Variants in CCDC102A observed in about 807,000 individuals in gnomAD.
CCDC102A encodes the protein coiled-coil domain-containing protein 102A.
A neutral mutation model predicts 55.5 loss-of-function variants in CCDC102A; 40 were observed. The ratio of observed to expected loss-of-function variants is 0.72; its 90% CI spans 0.56 to 0.94. The LOEUF is 0.94. Ranked by LOEUF, CCDC102A falls within the 40% of genes least tolerant of loss-of-function variation. CCDC102A has a pLI of 0.00. For synonymous variants in CCDC102A, 323 were observed against 339.0 expected (o/e 0.95, Z 0.52); for missense variants, 779 against 768.6 (o/e 1.01, Z -0.16).
chr16:57,523,476 A>ATT (rs766409543), intron 3 of CCDC102A, among the ~76,000 whole-genome samples: 76 of 144,328 alleles, frequency 5.3e-4, no homozygotes, highest in South Asian at 2.2e-3. Flanking sequence ...CATTATAGTG[A>ATT]TTTTTTTTTT....
At chr16:57,521,540 T>A (rs1314238582) in intron 3 of CCDC102A, among the ~76,000 whole-genome samples, 1 of 152,206 alleles carries the variant, frequency 6.6e-6, no homozygotes, top group East Asian at 1.9e-4. Context: ...CCCACCTTGT[T>A]CTTCTCGAAG....
At chr16:57,517,088 G>C (rs1331195984) in intron 6 of CCDC102A, among the ~76,000 whole-genome samples, 1 of 151,956 alleles carries the variant, frequency 6.6e-6, no homozygotes, top group African/African-American at 2.4e-5. Context: ...CCCCCAGCCT[G>C]TCTTCCCATC....
rs929510646 is a variant in CCDC102A, at chr16:57,518,478, C to T, written c.1038+147G>A. 5 of 798,150 alleles carry T rather than the reference C, an allele frequency of 6.3e-6. No homozygotes were observed. In the African/African-American group the frequency reaches 6.9e-5, roughly 11 times the overall value. The allele number at this position is 798,150 out of a possible 1,614,324, so 49.4% of individuals were successfully genotyped here. ...GCCTCTGTGTGGGAGAGAGGCCTGC[C>T]TCTTGCAGATCAGGACACCATTGGA... On this transcript the variant is annotated intron_variant, in intron 5 of 8. Coordinates refer to ENST00000258214, the MANE Select transcript of CCDC102A (RefSeq NM_033212.4).
Position 57,518,234 on chromosome 16 carries a change from C to A in CCDC102A, c.1082G>T (p.Arg361Leu). ...CAGTTTCTCTGTCTCCAGCCGCTCC[C>A]GGCGGCCCCACTCCGCAGCGTTTTC... is the stretch of plus-strand genomic sequence containing the variant. ...QAENAAEWGR[R>L]ERLETEKLGL... The change falls in exon 6 of 9, where the codon CGG becomes CTG. Residue 361 changes from arginine (R) to leucine (L), a missense_variant. Coordinates refer to ENST00000258214, the MANE Select transcript of CCDC102A (RefSeq NM_033212.4). 1.9e-6 allele frequency: 3 copies of A among 1,611,852 alleles called. No homozygotes were observed. The highest frequency in any genetic ancestry group is 1.3e-5 in the African/African-American group (1 of 75,076).
rs190966556 is a variant in CCDC102A at position 57,520,797 on chromosome 16, G to C, written c.921+271C>G. Among the ~76,000 whole-genome samples, 356 of 151,712 alleles carry C rather than the reference G, an allele frequency of 2.3e-3. 2 individuals are homozygous for C. The highest frequency in any genetic ancestry group is 8.2e-3 in the African/African-American group (339 of 41,408). ...TCTACTAAAAATACAAAAATTAGCC[G>C]GGCGTGGTGGCGGGTGCCTGTAATC... On this transcript the variant is annotated intron_variant, in intron 4 of 8. Coordinates refer to ENST00000258214, the MANE Select transcript of CCDC102A (RefSeq NM_033212.4).
Position 57,516,561 on chromosome 16 carries a change from G to T in CCDC102A, c.1249-98C>A. ...CACGAGGTCAGGCAGTTCTAGGGAT[G>T]CTGGGTGTCTCTCCTTCCCAGAATC... is the stretch of plus-strand genomic sequence containing the variant. On this transcript the variant is annotated intron_variant, in intron 6 of 8. Coordinates refer to ENST00000258214, the MANE Select transcript of CCDC102A (RefSeq NM_033212.4). The surrounding 1 kb of genome is among the most constrained non-coding windows in gnomAD (Gnocchi z 4.4). 1.1e-6 allele frequency: 1 copy of T among 933,630 alleles called. No homozygotes were observed. The highest frequency in any genetic ancestry group is 1.7e-6 in the Non-Finnish European group (1 of 603,022). 57.8% of individuals were successfully genotyped at this position (933,630 alleles called of 1,614,324 possible). A position where few individuals can be genotyped will look rare whatever the true frequency, so the allele number is the denominator to read the frequency against.
rs890966190 is a variant in CCDC102A, at chr16:57,516,491, G to A, written c.1249-28C>T. ...ACAGGGCACAGGGATGGGGTGGGAG[G>A]GAGGAGGGAATCAGTATCAGCTTGG... On this transcript the variant is annotated intron_variant, in intron 6 of 8. Coordinates refer to ENST00000258214, the MANE Select transcript of CCDC102A (RefSeq NM_033212.4). The surrounding 1 kb of genome is among the most constrained non-coding windows in gnomAD (Gnocchi z 4.4). 2.5e-6 allele frequency: 4 copies of A among 1,592,526 alleles called. No individual in the cohort carries two copies. The highest frequency in any genetic ancestry group is 1.3e-5 in the African/African-American group (1 of 74,868).
intron 8 of CCDC102A, among the ~76,000 whole-genome samples, chr16:57,514,683 C>T (rs546765112): frequency 3.3e-5 from 5 of 152,328 alleles, no homozygotes; most frequent in South Asian, 2.1e-4. Flanking sequence ...GCTGCAGAAC[C>T]GGGCACCCTC....
Position 57,528,835 on chromosome 16 carries a change from G to C in CCDC102A, c.343C>G (p.Arg115Gly), listed in dbSNP as rs752967457. ...CGCACCTCCTCGCGCGCGCGGTTGC[G>C]CTCAGCGCGCACCTTGCTCCATTTC... is the stretch of plus-strand genomic sequence containing the variant. ...REKWSKVRAE[R>G]NRAREEVRQL... is the part of the protein sequence containing the mutation. Residue 115 changes from arginine (R) to glycine (G), a missense_variant, in exon 2 of 9, where the codon CGC (arginine) becomes GGC (glycine). Physicochemically the swap from Arg to Gly is moderately radical, Grantham distance 125 (BLOSUM62 -2). Coordinates refer to ENST00000258214, the MANE Select transcript of CCDC102A (RefSeq NM_033212.4). 5 of 1,295,388 alleles carry C rather than the reference G, an allele frequency of 3.9e-6. No individual in the cohort carries two copies. Among genetic ancestry groups the C allele is most frequent in the Non-Finnish European group, 4.9e-6 (5 of 1,010,474 alleles). The allele number at this position is 1,295,388 out of a possible 1,614,324, so 80.2% of individuals were successfully genotyped here. A position where few individuals can be genotyped will look rare whatever the true frequency, so the allele number is the denominator to read the frequency against.
chr16:57,518,010 C>G (rs1189109827), intron 6 of CCDC102A, 58 bp downstream of exon 6: 8 of 1,519,472 alleles, frequency 5.3e-6, no homozygotes, highest in Admixed American at 1.9e-5. Context: ...GGAAGCTGCG[C>G]TCTGGCTGGA....
At position 57,528,619 on chromosome 16, in the gene CCDC102A, C is replaced by T. The variant is rs778992550; in HGVS notation, c.559G>A (p.Gly187Arg). 8.6e-6 allele frequency: 11 copies of T among 1,280,808 alleles called. No homozygotes were observed. In the African/African-American group the frequency reaches 9.6e-5, roughly 11 times the overall value. 79.3% of individuals were successfully genotyped at this position (1,280,808 alleles called of 1,614,324 possible). ...TGGCTGCCTGGCGGCCTCTCGGACCCGACGTCACGCACTGGCTCGCGCTCC... is the reference window on the plus strand; with the variant it reads ...TGGCTGCCTGGCGGCCTCTCGGACCTGACGTCACGCACTGGCTCGCGCTCC... Reference protein sequence around the residue: ...EAEREPVRDVGSERPPGSQEL... With the variant: ...EAEREPVRDVRSERPPGSQEL... The change falls in exon 2 of 9, where the codon GGG (glycine) becomes AGG (arginine). Residue 187 changes from glycine (G) to arginine (R), a missense_variant. Gly to Arg is a moderately radical substitution (Grantham distance 125). Transcript: ENST00000258214.
At chr16:57,515,494 A>G (rs1268910248) in intron 7 of CCDC102A, 50 bp from the exon 8 acceptor site, 1 of 1,264,084 alleles carries the variant, frequency 7.9e-7, no homozygotes, top group Non-Finnish European at 1.1e-6. Flanking sequence ...AGGGCTGGGC[A>G]AGGCCGGCCA....
At chr16:57,530,008 G>A (rs2032225848) in intron 1 of CCDC102A, among the ~76,000 whole-genome samples, 2 of 152,190 alleles carry the variant, frequency 1.3e-5, no homozygotes, top group Admixed American at 6.5e-5. Context: ...TGGAGGTGAA[G>A]AAAATGATTA....
rs1267666193 is a variant in CCDC102A, at chr16:57,512,336, T to A, written c.*405A>T. On this transcript the variant is annotated 3_prime_UTR_variant, in exon 9 of 9. Coordinates refer to ENST00000258214, the MANE Select transcript of CCDC102A (RefSeq NM_033212.4). Reference sequence around the variant, plus strand: ...CTTCATTTATTACAAATAACTGGGTTCACTGCATTGTATGATGAACAGCGA... The same window carrying A: ...CTTCATTTATTACAAATAACTGGGTACACTGCATTGTATGATGAACAGCGA... 1 of 398,770 alleles carries A rather than the reference T, an allele frequency of 2.5e-6. No individual in the cohort carries two copies. Among genetic ancestry groups the A allele is most frequent in the African/African-American group, 2.1e-5 (1 of 48,620 alleles). 24.7% of individuals were successfully genotyped at this position (398,770 alleles called of 1,614,324 possible). A position where few individuals can be genotyped will look rare whatever the true frequency, so the allele number is the denominator to read the frequency against.
intron 8 of CCDC102A, among the ~76,000 whole-genome samples, chr16:57,514,844 C>T (rs1185997778): frequency 1.3e-5 from 2 of 152,186 alleles, no homozygotes; most frequent in Non-Finnish European, 2.9e-5. Flanking sequence ...CTGTGATTCA[C>T]AGAGTGCTGG....
chr16:57,526,012 CGCTCCTGGCGGCCTGAGCTGCCCCGCGG>C lies in CCDC102A; in HGVS notation c.673_700del (p.Pro225AlafsTer19). 1.2e-6 allele frequency: 2 copies of C among 1,604,976 alleles called. No homozygotes were observed. Among genetic ancestry groups the C allele is most frequent in the African/African-American group, 2.7e-5 (2 of 74,716 alleles). On this transcript the variant is annotated frameshift_variant, in exon 3 of 9. Coordinates refer to ENST00000258214, the MANE Select transcript of CCDC102A (RefSeq NM_033212.4). LOFTEE classifies it high-confidence loss of function. ...TGTGTCCTCCCAGGGTAGCCGGCTG[CGCTCCTGGCGGCCTGAGCTGCCCCGCGG>C]GCCCCCAGCCCCCAGGCTGCGCGCC...
intron 4 of CCDC102A, among the ~76,000 whole-genome samples, chr16:57,520,809 G>A (rs76214446): frequency 1.3e-5 from 2 of 151,190 alleles, no homozygotes; most frequent in Non-Finnish European, 3.0e-5. Flanking sequence ...GCGTGGTGGC[G>A]GGTGCCTGTA....
chr16:57,532,293 A>G (rs2032281065), intron 1 of CCDC102A, among the ~76,000 whole-genome samples: 1 of 152,126 alleles, frequency 6.6e-6, no homozygotes, highest in South Asian at 2.1e-4. Context: ...CATAAACACA[A>G]CATGTACACC....
intron 4 of CCDC102A, among the ~76,000 whole-genome samples, chr16:57,520,536 A>AATAAC (rs56888001): frequency 0.091 from 11,386 of 124,616 alleles, 619 homozygotes; most frequent in African/African-American, 0.1. Flanking sequence ...ACTCAGAAAA[A>AATAAC]ATAACATAAC....
Sources: allele counts gnomAD v4.1 joint callset (sites outside exome capture counted in the v4.1 genomes callset), GRCh38; gene constraint gnomAD v4.1.1; non-coding constraint Gnocchi (gnomAD v3.1); transcripts MANE v1.5; gene names NCBI Gene and HGNC (gene_info 2026-07-23, HGNC 2026-07-21).